Variants in NAALADL2 observed in about 807,000 individuals in gnomAD.
The protein encoded by NAALADL2 is N-acetylated alpha-linked acidic dipeptidase like 2.
Under a neutral mutation model 87.2 loss-of-function variants are expected in NAALADL2, and 76 were observed. The observed-to-expected ratio is 0.87, with a 90% CI of 0.72 to 1.05. NAALADL2 has a LOEUF of 1.05. NAALADL2 is among the 50% of genes least tolerant of loss of function. The pLI is 0.00. For missense variants in NAALADL2, 1,089 were observed against 945.8 expected (o/e 1.15, Z -1.99); for synonymous variants, 354 against 331.0 (o/e 1.07, Z -0.75).
At position 175,720,232 on chromosome 3, in the gene NAALADL2, TAA is replaced by T. The variant is rs367625238; in HGVS notation, c.1897-17073_1897-17072del. Among the ~76,000 whole-genome samples the T allele has an allele frequency of 2.2e-3, 338 of 152,218 alleles. 2 individuals carry two copies. The highest frequency in any genetic ancestry group is 6.9e-3 in the African/African-American group (287 of 41,546). On this transcript the variant is annotated intron_variant, in intron 11 of 13. Coordinates refer to ENST00000454872, the MANE Select transcript of NAALADL2 (RefSeq NM_207015.3). ...CAACAATCGATGCTGAAATAAACTA[TAA>T]GAGTTTTTTGAAATTATTAAATAAT...
chr3:175,153,462 C>G (rs969347591), intron 2 of NAALADL2, among the ~76,000 whole-genome samples: 2 of 152,160 alleles, frequency 1.3e-5, no homozygotes, highest in African/African-American at 4.8e-5. Context: ...GGATGCAGCT[C>G]TTCATATACA....
At chr3:175,007,366 G>A (rs1411603732) in intron 1 of NAALADL2, among the ~76,000 whole-genome samples, 1 of 152,058 alleles carries the variant, frequency 6.6e-6, no homozygotes, top group African/African-American at 2.4e-5. Flanking sequence ...AATATGTGAG[G>A]CTGACTTAGG....
chr3:174,765,520 C>G (rs1713692935), intron 3 of NAALADL2, among the ~76,000 whole-genome samples: 3 of 152,038 alleles, frequency 2.0e-5, no homozygotes, highest in Admixed American at 2.0e-4. Context: ...CAAAAACTTG[C>G]CATTTTCACT....
At chr3:175,224,665 G>T (rs1470538370) in intron 2 of NAALADL2, among the ~76,000 whole-genome samples, 2 of 152,088 alleles carry the variant, frequency 1.3e-5, no homozygotes, top group African/African-American at 4.8e-5. Context: ...GTCCTGGCCT[G>T]ATAGGAATAA....
intron 11 of NAALADL2, among the ~76,000 whole-genome samples, chr3:175,656,030 CT>C (rs1432284444): frequency 2.6e-5 from 4 of 152,172 alleles, no homozygotes. Context: ...TTTCAAGTGG[CT>C]TATCTAATGT....
intron 4 of NAALADL2, among the ~76,000 whole-genome samples, chr3:175,260,458 C>T (rs757743621): frequency 6.6e-6 from 1 of 152,092 alleles, no homozygotes; most frequent in Non-Finnish European, 1.5e-5. Flanking sequence ...AATATACATT[C>T]CATTGGTAAG....
chr3:174,947,375 T>C (rs56134737), intron 1 of NAALADL2, among the ~76,000 whole-genome samples: 5,040 of 152,260 alleles, frequency 0.033, 90 homozygotes, highest in South Asian at 0.055. Flanking sequence ...GAGCTGAAGA[T>C]TGCTGTTTTA....
intron 2 of NAALADL2, among the ~76,000 whole-genome samples, chr3:175,152,129 T>C (rs894929631): frequency 4.6e-5 from 7 of 152,162 alleles, no homozygotes; most frequent in Non-Finnish European, 7.4e-5. Context: ...TAGGGTTATA[T>C]TGTAGGATGT....
At chr3:174,689,387 C>A (rs374174797) in intron 2 of NAALADL2, among the ~76,000 whole-genome samples, 7 of 135,046 alleles carry the variant, frequency 5.2e-5, no homozygotes, top group South Asian at 2.5e-4. Context: ...CCCTCTACCC[C>A]CCGCTTCACC....
chr3:174,655,152 T>C (rs1724780940), intron 2 of NAALADL2, among the ~76,000 whole-genome samples: 1 of 152,228 alleles, frequency 6.6e-6, no homozygotes, highest in South Asian at 2.1e-4. Flanking sequence ...TTGTTATCTG[T>C]GAAGACACTG....
At chr3:175,663,508 T>G (rs1375506797) in intron 11 of NAALADL2, among the ~76,000 whole-genome samples, 1 of 147,870 alleles carries the variant, frequency 6.8e-6, no homozygotes, top group Non-Finnish European at 1.5e-5. Flanking sequence ...AACAACCTTA[T>G]GTTTTGGTAA....
chr3:175,201,875 G>A (rs1476025141), intron 2 of NAALADL2, among the ~76,000 whole-genome samples: 1 of 151,650 alleles, frequency 6.6e-6, no homozygotes, highest in Non-Finnish European at 1.5e-5. Flanking sequence ...AGGAGGTAGT[G>A]GGATTAATAG....
intron 1 of NAALADL2, among the ~76,000 whole-genome samples, chr3:174,912,517 A>G (rs1262952302): frequency 2.0e-5 from 3 of 152,176 alleles, no homozygotes; most frequent in East Asian, 1.9e-4. Context: ...GTGGTCAGCT[A>G]AAAGGTGTTT....
chr3:175,018,499 A>T (rs1230864737), intron 1 of NAALADL2, among the ~76,000 whole-genome samples: 1 of 152,090 alleles, frequency 6.6e-6, no homozygotes. Context: ...CAGACATAGT[A>T]AATATAACAG....
chr3:174,968,876 T>C (rs1222646298), intron 1 of NAALADL2, among the ~76,000 whole-genome samples: 1 of 152,206 alleles, frequency 6.6e-6, no homozygotes, highest in Non-Finnish European at 1.5e-5. Flanking sequence ...AAGAGACCTT[T>C]GGGCCACTGG....
At chr3:174,538,602 G>C (rs1370812983) in intron 1 of NAALADL2, among the ~76,000 whole-genome samples, 1 of 152,114 alleles carries the variant, frequency 6.6e-6, no homozygotes, top group Admixed American at 6.6e-5. Flanking sequence ...TGAACGAGGA[G>C]AGAATTAACT....
chr3:175,514,171 C>T (rs971886014), intron 9 of NAALADL2, among the ~76,000 whole-genome samples: 21 of 152,058 alleles, frequency 1.4e-4, no homozygotes, highest in Non-Finnish European at 1.8e-4. Context: ...CTTCTATAAC[C>T]CTTGTAATTC....
intron 1 of NAALADL2, among the ~76,000 whole-genome samples, chr3:174,974,270 CT>C (rs1744072893): frequency 6.6e-6 from 1 of 152,174 alleles, no homozygotes; most frequent in South Asian, 2.1e-4. Flanking sequence ...GATAAACACC[CT>C]TTAGTGGTGT....
intron 11 of NAALADL2, 39 bp downstream of exon 11, chr3:175,627,425 T>G: frequency 7.6e-7 from 1 of 1,310,946 alleles, no homozygotes; most frequent in Non-Finnish European, 1.1e-6. Context: ...TGAGAAATAT[T>G]TGTTCTTCTT....
Sources: gnomAD v4.1 joint callset for allele counts (sites outside exome capture counted in the v4.1 genomes callset) on GRCh38, gnomAD v4.1.1 for gene constraint, MANE v1.5 for transcripts, NCBI Gene and HGNC (gene_info 2026-07-23, HGNC 2026-07-21) for gene names.